The following ATP9A variants were observed in gnomAD, a reference collection of about 807,000 sequenced individuals.
ATP9A encodes probable phospholipid-transporting ATPase IIA.
A neutral mutation model predicts 144.1 loss-of-function variants in ATP9A; 52 were observed. That is an observed-to-expected ratio of 0.36 (90% CI 0.29 to 0.45). The LOEUF (loss-of-function observed/expected upper bound fraction) is 0.45. ATP9A is among the 20% of genes least tolerant of loss of function. The pLI is 1.00. For missense variants in ATP9A, 947 were observed against 1,392.7 expected (o/e 0.68, Z 5.09); for synonymous variants, 582 against 557.4 (o/e 1.04, Z -0.62).
At chr20:51,683,091 C>CAA (rs367590324) in intron 9 of ATP9A, among the ~76,000 whole-genome samples, 34 of 146,394 alleles carry the variant, frequency 2.3e-4, no homozygotes, top group African/African-American at 8.5e-4. Flanking sequence ...AACTTTGTCT[C>CAA]AAAAAAAAAA....
intron 1 of ATP9A, among the ~76,000 whole-genome samples, chr20:51,733,669 G>A (rs369661282): frequency 4.6e-3 from 115 of 24,894 alleles, no homozygotes; most frequent in African/African-American, 0.013. Flanking sequence ...CACTGTACCT[G>A]GCCTTTTTTT....
chr20:51,621,984 T>C, intron 19 of ATP9A, 90 bp downstream of exon 19: 2 of 1,136,804 alleles, frequency 1.8e-6, no homozygotes, highest in Non-Finnish European at 2.6e-6. Context: ...ATGCTGCCCC[T>C]CCCTTCTTAA....
At chr20:51,637,858 ACCCTTTCAGCCCC>A (rs925339553) in intron 15 of ATP9A, among the ~76,000 whole-genome samples, 8 of 150,430 alleles carry the variant, frequency 5.3e-5, no homozygotes, top group Non-Finnish European at 7.4e-5. Flanking sequence ...CCGTCCTCCC[ACCCTTTCAGCCCC>A]CTGACTCGCC....
intron 3 of ATP9A, 123 bp downstream of exon 3, chr20:51,725,696 C>A: frequency 1.4e-6 from 1 of 691,666 alleles, no homozygotes; most frequent in East Asian, 2.5e-5. Context: ...AATGTATTGG[C>A]CTAAGGGCAT....
At chr20:51,704,693 T>C (rs1229449568) in intron 4 of ATP9A, among the ~76,000 whole-genome samples, 1 of 152,092 alleles carries the variant, frequency 6.6e-6, no homozygotes, top group Non-Finnish European at 1.5e-5. Flanking sequence ...GGCAGGAGAA[T>C]CGCTTGAACC....
chr20:51,690,865 G>A (rs1418645453), intron 7 of ATP9A, 46 bp from the exon 8 acceptor site: 1 of 1,491,514 alleles, frequency 6.7e-7, no homozygotes, highest in Admixed American at 1.7e-5. Flanking sequence ...AGTTCACAAT[G>A]CAAGACTTCA....
chr20:51,652,211 G>A (rs148909183), intron 14 of ATP9A, among the ~76,000 whole-genome samples: 1 of 152,332 alleles, frequency 6.6e-6, no homozygotes, highest in East Asian at 1.9e-4. Flanking sequence ...GGGTCCGACT[G>A]TATCTATTTC....
At chr20:51,718,831 A>AAAAAAAAAAAAAAAAAAAC (rs2077675041) in intron 3 of ATP9A, among the ~76,000 whole-genome samples, 1 of 104,854 alleles carries the variant, frequency 9.5e-6, no homozygotes, top group Non-Finnish European at 2.1e-5. Context: ...AAAAAAAAAA[A>AAAAAAAAAAAAAAAAAAAC]AAAAAAAAAA....
chr20:51,695,339 C>T (rs1200285521), intron 6 of ATP9A, among the ~76,000 whole-genome samples: 2 of 151,584 alleles, frequency 1.3e-5, no homozygotes, highest in East Asian at 1.9e-4. Flanking sequence ...AAAAATTAGC[C>T]GGGCATGGTG....
At chr20:51,763,018 C>A (rs1043995310) in intron 1 of ATP9A, among the ~76,000 whole-genome samples, 5 of 152,076 alleles carry the variant, frequency 3.3e-5, no homozygotes, top group Non-Finnish European at 7.4e-5. Context: ...CCAAGCCCAA[C>A]TGAAATTCTA....
intron 4 of ATP9A, among the ~76,000 whole-genome samples, chr20:51,701,955 G>C (rs752088038): frequency 1.3e-5 from 2 of 151,390 alleles, no homozygotes; most frequent in Non-Finnish European, 2.9e-5. Context: ...GAGCCCAGGA[G>C]TTTGAGACCA....
chr20:51,671,805 T>C (rs6021363), intron 11 of ATP9A, among the ~76,000 whole-genome samples: 36,673 of 148,432 alleles, frequency 0.25, 4,749 homozygotes, highest in Non-Finnish European at 0.29. Context: ...ATTTGACTAC[T>C]TTTTTTTTTT....
At chr20:51,604,096 T>C (rs2122703843) in intron 27 of ATP9A, among the ~76,000 whole-genome samples, 1 of 152,288 alleles carries the variant, frequency 6.6e-6, no homozygotes, top group East Asian at 1.9e-4. Context: ...CATTTTTTAT[T>C]TGGGGTGTGC....
intron 3 of ATP9A, among the ~76,000 whole-genome samples, chr20:51,715,123 T>C (rs2077656576): frequency 6.6e-6 from 1 of 152,250 alleles, no homozygotes; most frequent in Non-Finnish European, 1.5e-5. Flanking sequence ...TTGTGGTTCT[T>C]GGAGAATTTC....
chr20:51,624,408 A>T (rs2077239282), intron 18 of ATP9A, among the ~76,000 whole-genome samples: 1 of 152,138 alleles, frequency 6.6e-6, no homozygotes, highest in South Asian at 2.1e-4. Context: ...ACTGAGGACC[A>T]GGTCCTCACG....
intron 1 of ATP9A, among the ~76,000 whole-genome samples, chr20:51,739,556 T>C (rs1349117942): frequency 2.0e-5 from 3 of 151,824 alleles, no homozygotes; most frequent in Non-Finnish European, 2.9e-5. Flanking sequence ...GGGTTTCACC[T>C]TGTTAGCCAG....
At chr20:51,768,130 C>T (rs904237930) in intron 1 of ATP9A, among the ~76,000 whole-genome samples, 172 bp downstream of exon 1, 20 of 152,024 alleles carry the variant, frequency 1.3e-4, no homozygotes, top group Middle Eastern at 6.8e-3. Flanking sequence ...AGGTGCCGCC[C>T]GGGGCTGAAG....
intron 1 of ATP9A, among the ~76,000 whole-genome samples, chr20:51,765,549 G>T (rs2077899770): frequency 6.7e-6 from 1 of 149,152 alleles, no homozygotes; most frequent in Non-Finnish European, 1.5e-5. Flanking sequence ...TACTCAGGAG[G>T]CTGATTCAAG....
At chr20:51,684,997 C>T (rs1456265363) in intron 9 of ATP9A, among the ~76,000 whole-genome samples, 1 of 143,212 alleles carries the variant, frequency 7.0e-6, no homozygotes, top group Non-Finnish European at 1.5e-5. Flanking sequence ...GACCACTGAG[C>T]GAGACTCCAT....
Sources: gnomAD v4.1 joint callset for allele counts (sites outside exome capture counted in the v4.1 genomes callset) on GRCh38, gnomAD v4.1.1 for gene constraint, MANE v1.5 for transcripts, NCBI Gene and HGNC (gene_info 2026-07-23, HGNC 2026-07-21) for gene names.